The following RICTOR variants were observed in gnomAD, a reference collection of about 807,000 sequenced individuals.
The protein encoded by RICTOR is rapamycin-insensitive companion of mTOR.
In RICTOR, 49 loss-of-function variants were observed where a neutral mutation model predicts 214.9. The observed-to-expected ratio is 0.23, with a 90% CI of 0.18 to 0.29. The LOEUF (loss-of-function observed/expected upper bound fraction) is 0.29. Among genes scored for constraint, RICTOR ranks in the 10% least tolerant of loss-of-function variants. The pLI, the probability that RICTOR is intolerant of heterozygous loss-of-function variation, is 1.00. For missense variants in RICTOR, 1,625 were observed against 2,047.0 expected (o/e 0.79, Z 3.98); for synonymous variants, 717 against 711.3 (o/e 1.01, Z -0.13).
intron 5 of RICTOR, among the ~76,000 whole-genome samples, chr5:39,002,166 C>G (rs922772719): frequency 2.8e-5 from 1 of 36,336 alleles, no homozygotes; most frequent in African/African-American, 9.6e-5. Context: ...AAATGTTACA[C>G]AGCAAAAAAA....
At chr5:39,025,430 A>G (rs560234717) in intron 2 of RICTOR, among the ~76,000 whole-genome samples, 2 of 152,388 alleles carry the variant, frequency 1.3e-5, no homozygotes, top group East Asian at 1.9e-4. Context: ...TTTGCAGGCC[A>G]TAAGTCTCCA....
chr5:39,002,382 TTG>T (rs112241926), intron 5 of RICTOR, among the ~76,000 whole-genome samples, 151 bp downstream of exon 5: 36,988 of 146,722 alleles, frequency 0.25, 4,619 homozygotes, highest in East Asian at 0.34. Flanking sequence ...TGTTACTTGG[TTG>T]TGTGTGTGTG....
chr5:39,054,264 T>C (rs1034282612), intron 2 of RICTOR, among the ~76,000 whole-genome samples: 2 of 152,156 alleles, frequency 1.3e-5, no homozygotes, highest in Non-Finnish European at 2.9e-5. Flanking sequence ...TAAGCCATCC[T>C]GATTCAGCAC....
intron 2 of RICTOR, among the ~76,000 whole-genome samples, chr5:39,036,988 C>G (rs1447832716): frequency 6.6e-6 from 1 of 152,158 alleles, no homozygotes; most frequent in Admixed American, 6.5e-5. Flanking sequence ...CTACAGAACT[C>G]TCCACCCCAA....
chr5:39,039,418 T>C (rs2150166547), intron 2 of RICTOR, among the ~76,000 whole-genome samples: 1 of 152,322 alleles, frequency 6.6e-6, no homozygotes, highest in East Asian at 1.9e-4. Flanking sequence ...AAAGACTTCA[T>C]GTCTAAAACA....
chr5:39,016,786 C>T (rs1229908056), intron 3 of RICTOR, among the ~76,000 whole-genome samples: 2 of 152,070 alleles, frequency 1.3e-5, no homozygotes, highest in Admixed American at 1.3e-4. Flanking sequence ...TTAGTAGATA[C>T]TAGTTGCAAG....
chr5:39,050,022 G>C (rs1251003856), intron 2 of RICTOR, among the ~76,000 whole-genome samples: 1 of 152,034 alleles, frequency 6.6e-6, no homozygotes, highest in Non-Finnish European at 1.5e-5. Flanking sequence ...GAAATACTTA[G>C]AATCAGGATG....
rs1186033530 is a variant in RICTOR, at chr5:38,967,465, A to G, written c.1061-38T>C. On this transcript the variant is annotated intron_variant, in intron 12 of 37. Transcript: ENST00000357387. The stretch of plus-strand genomic sequence containing the variant: ...AAATATGGTAGGGAAAAGATTAGAT[A>G]TCACTGAAACATTTCAGATAAGTAT... The G allele has an allele frequency of 6.4e-6, 9 of 1,411,110 alleles. No homozygotes were observed. In the South Asian group the frequency reaches 1.1e-4, roughly 17 times the overall value. The allele number at this position is 1,411,110 out of a possible 1,614,324, so 87.4% of individuals were successfully genotyped here.
In RICTOR at chr5:38,960,663, GA is replaced by G. The variant is rs553942366; in HGVS notation, c.1716-131del. ...TCTGAACCATTGGGATAAATGGCAAGAAATGTATTAAAAGTGTTTGGTACAT... is the reference window on the plus strand; with the variant it reads ...TCTGAACCATTGGGATAAATGGCAAGAATGTATTAAAAGTGTTTGGTACAT... On this transcript the variant is annotated intron_variant, in intron 19 of 37. Transcript: ENST00000357387. 4.5e-6 allele frequency: 4 copies of G among 889,938 alleles called. No homozygotes were observed. In the African/African-American group the frequency reaches 5.1e-5, roughly 11 times the overall value. The allele number at this position is 889,938 out of a possible 1,614,324, so 55.1% of individuals were successfully genotyped here.
At chr5:38,946,412 G>A in intron 33 of RICTOR, 56 bp downstream of exon 33, 2 of 1,087,928 alleles carry the variant, frequency 1.8e-6, no homozygotes, top group South Asian at 2.7e-5. Context: ...AAAGAACTAA[G>A]AGTTTTCTTT....
intron 2 of RICTOR, among the ~76,000 whole-genome samples, chr5:39,045,857 G>T (rs116087275): frequency 0.017 from 2,619 of 151,926 alleles, 23 homozygotes; most frequent in Non-Finnish European, 0.026. Context: ...TTGGCTGTAG[G>T]ACACTAGATT....
At chr5:39,033,007 A>G (rs1304224270) in intron 2 of RICTOR, among the ~76,000 whole-genome samples, 1 of 152,216 alleles carries the variant, frequency 6.6e-6, no homozygotes, top group Non-Finnish European at 1.5e-5. Flanking sequence ...ATTACAGCAC[A>G]TATAACACAT....
At chr5:38,983,464 TA>T (rs1220672211) in intron 7 of RICTOR, among the ~76,000 whole-genome samples, 1 of 152,212 alleles carries the variant, frequency 6.6e-6, no homozygotes, top group Non-Finnish European at 1.5e-5. Context: ...TTTTGGCTAA[TA>T]ACCTGGCTAA....
At chr5:39,012,304 C>T (rs1754588914) in intron 3 of RICTOR, among the ~76,000 whole-genome samples, 2 of 152,146 alleles carry the variant, frequency 1.3e-5, no homozygotes, top group Admixed American at 1.3e-4. Flanking sequence ...TCTCCTGCCG[C>T]CATGTGAAGA....
chr5:38,946,617 C>T, intron 32 of RICTOR, 65 bp from the exon 33 acceptor site: 1 of 891,490 alleles, frequency 1.1e-6, no homozygotes, highest in Non-Finnish European at 1.9e-6. Flanking sequence ...TGAAAATTAG[C>T]AAAATTAAAC....
At chr5:39,009,919 CTAGT>C (rs2150118861) in intron 3 of RICTOR, among the ~76,000 whole-genome samples, 1 of 152,256 alleles carries the variant, frequency 6.6e-6, no homozygotes, top group South Asian at 2.1e-4. Flanking sequence ...GACTACCTTA[CTAGT>C]TATCTCCTAA....
At chr5:39,016,454 G>A (rs941626198) in intron 3 of RICTOR, among the ~76,000 whole-genome samples, 5 of 151,758 alleles carry the variant, frequency 3.3e-5, no homozygotes, top group Non-Finnish European at 7.4e-5. Flanking sequence ...AGGAGAAAGG[G>A]CAGAAGAGAG....
At position 38,939,529 on chromosome 5, in the gene RICTOR, A is replaced by T. The variant is rs1747308263; in HGVS notation, c.*2775T>A. On this transcript the variant is annotated 3_prime_UTR_variant, in exon 38 of 38. Coordinates refer to ENST00000357387, the MANE Select transcript of RICTOR (RefSeq NM_152756.5). ...AAATTTTAGAGCATATTTAATTATG[A>T]ATACTAAATTTCTAATTTCCTTATT... 4.3e-6 allele frequency: 1 copy of T among 231,960 alleles called. No individual in the cohort carries two copies. Among genetic ancestry groups the T allele is most frequent in the African/African-American group, 2.2e-5 (1 of 45,308 alleles). The allele number at this position is 231,960 out of a possible 1,614,324, so 14.4% of individuals were successfully genotyped here. A position where few individuals can be genotyped will look rare whatever the true frequency, so the allele number is the denominator to read the frequency against.
At chr5:39,071,874 T>C (rs1160333214) in intron 2 of RICTOR, among the ~76,000 whole-genome samples, 1 of 152,236 alleles carries the variant, frequency 6.6e-6, no homozygotes, top group Non-Finnish European at 1.5e-5. Context: ...GCCCAAACTT[T>C]ATCTTTTTAC....
Sources: gnomAD v4.1 joint callset for allele counts (sites outside exome capture counted in the v4.1 genomes callset) on GRCh38, gnomAD v4.1.1 for gene constraint, MANE v1.5 for transcripts, NCBI Gene and HGNC (gene_info 2026-07-23, HGNC 2026-07-21) for gene names.